Variants in TAFA2 observed in about 807,000 individuals in gnomAD.
The protein encoded by TAFA2 is chemokine-like protein TAFA-2.
TAFA2 carries 7 observed loss-of-function variants against 18.8 expected under a neutral mutation model. The observed-to-expected ratio is 0.37, with a 90% CI of 0.21 to 0.70. The LOEUF is 0.70. TAFA2 is among the 30% of genes least tolerant of loss of function. TAFA2 has a pLI of 0.53. For synonymous variants in TAFA2, 60 were observed against 54.2 expected, an observed-to-expected ratio of 1.11 and a Z score of -0.47; for missense variants, 122 against 158.1, an observed-to-expected ratio of 0.77 and a Z score of 1.23.
At chr12:61,776,998 T>C (rs932866934) in intron 2 of TAFA2, among the ~76,000 whole-genome samples, 6 of 151,868 alleles carry the variant, frequency 4.0e-5, no homozygotes, top group Admixed American at 1.3e-4. Context: ...AGTAAGTGGA[T>C]ACTGAGCAAG....
intron 1 of TAFA2, chr12:62,235,403 A>G: frequency 1.5e-6 from 1 of 648,534 alleles, no homozygotes; most frequent in Non-Finnish European, 2.8e-6. Flanking sequence ...AAGATGAGTC[A>G]TGTTCAAGAT....
At chr12:61,864,445 A>G (rs943673890) in intron 2 of TAFA2, among the ~76,000 whole-genome samples, 3 of 150,194 alleles carry the variant, frequency 2.0e-5, no homozygotes, top group African/African-American at 7.3e-5. Context: ...TTCTATAACT[A>G]TATATGTAGT....
chr12:61,997,104 T>C (rs1880215050), intron 1 of TAFA2, among the ~76,000 whole-genome samples: 1 of 151,066 alleles, frequency 6.6e-6, no homozygotes, highest in Non-Finnish European at 1.5e-5. Context: ...AATAAACACA[T>C]AAAAAAGTGT....
intron 1 of TAFA2, chr12:62,252,134 C>T (rs867140910): frequency 1.3e-5 from 2 of 152,274 alleles, no homozygotes; most frequent in African/African-American, 2.4e-5. Flanking sequence ...TGTTGGCTTA[C>T]CTGGTGGGAT....
intron 2 of TAFA2, among the ~76,000 whole-genome samples, chr12:61,859,072 GC>G (rs1306440035): frequency 6.6e-6 from 1 of 152,156 alleles, no homozygotes; most frequent in African/African-American, 2.4e-5. Context: ...ATAAAGAACT[GC>G]CCAAGACTGG....
chr12:61,753,700 T>C lies in TAFA2; in HGVS notation c.306A>G (p.Leu102=). 4 of 1,612,634 alleles carry C rather than the reference T, an allele frequency of 2.5e-6. No homozygotes were observed. The highest frequency in any genetic ancestry group is 3.4e-6 in the Non-Finnish European group (4 of 1,179,082). ...GAAGAACTTTACATTCTTCTCCCTC[T>C]AGACATGGCTGCATATGGCACCACC... ...QKWWCHMQPC[L]EGEECKVLPD... The change falls in exon 4 of 5, where the codon CTA becomes CTG. Residue 102 remains leucine, a synonymous_variant. Coordinates refer to ENST00000416284, the MANE Select transcript of TAFA2 (RefSeq NM_178539.5).
intron 2 of TAFA2, among the ~76,000 whole-genome samples, chr12:61,814,445 G>A (rs931089753): frequency 1.3e-5 from 2 of 151,234 alleles, no homozygotes; most frequent in African/African-American, 4.9e-5. Context: ...AGGGAACGGT[G>A]TGGTTAAACT....
Position 62,041,392 on chromosome 12 carries a change from A to C in TAFA2, c.-2+149867T>G, listed in dbSNP as rs115890184. On this transcript the variant is annotated intron_variant, in intron 1 of 4. Transcript: ENST00000416284. ...GTGGACTGGTGAACTCCATGAAAAA[A>C]GTTATTAAAGTGAGGAAGGTACTGA... Among the ~76,000 whole-genome samples, 734 of 152,320 alleles carry C rather than the reference A, an allele frequency of 4.8e-3. 8 individuals are homozygous for C. Among genetic ancestry groups the C allele is most frequent in the African/African-American group, 0.017 (699 of 41,578 alleles).
chr12:61,798,254 C>A (rs1343513460), intron 2 of TAFA2, among the ~76,000 whole-genome samples: 2 of 152,024 alleles, frequency 1.3e-5, no homozygotes, highest in African/African-American at 4.8e-5. Flanking sequence ...AAAATCATTT[C>A]TCTTAACTAT....
At chr12:61,896,454 G>C (rs1023752841) in intron 1 of TAFA2, among the ~76,000 whole-genome samples, 4 of 152,114 alleles carry the variant, frequency 2.6e-5, no homozygotes, top group African/African-American at 9.7e-5. Flanking sequence ...TATCTCTTCA[G>C]TTAAATACAC....
chr12:62,040,938 T>C (rs1881741052), intron 1 of TAFA2, among the ~76,000 whole-genome samples: 2 of 152,186 alleles, frequency 1.3e-5, no homozygotes, highest in Admixed American at 1.3e-4. Flanking sequence ...ACAGGCCATG[T>C]GATTAGGAAA....
At chr12:61,866,456 G>T (rs1334550456) in intron 2 of TAFA2, among the ~76,000 whole-genome samples, 1 of 152,042 alleles carries the variant, frequency 6.6e-6, no homozygotes, top group African/African-American at 2.4e-5. Context: ...CTTTATAGTG[G>T]GCAGAGAACT....
In TAFA2 at chr12:62,014,446, T is replaced by C. The variant is rs776187112; in HGVS notation, c.-1-147020A>G. Among the ~76,000 whole-genome samples the C allele has an allele frequency of 5.3e-5, 8 of 152,092 alleles. No homozygotes were observed. In the South Asian group the frequency reaches 6.2e-4, roughly 12 times the overall value. On this transcript the variant is annotated intron_variant, in intron 1 of 4. Transcript: ENST00000416284. ...AAAATCAAGACCAGCCTGGGCAACATGGTTAAGCCCCATCTCTACAAAAAA... is the reference window on the plus strand; with the variant it reads ...AAAATCAAGACCAGCCTGGGCAACACGGTTAAGCCCCATCTCTACAAAAAA...
chr12:62,170,429 T>G (rs1011924034), intron 1 of TAFA2, among the ~76,000 whole-genome samples: 1 of 152,196 alleles, frequency 6.6e-6, no homozygotes, highest in African/African-American at 2.4e-5. Flanking sequence ...AATACTAGTT[T>G]TGAAACTTGT....
chr12:62,190,403 G>A (rs1459815059), intron 1 of TAFA2, among the ~76,000 whole-genome samples: 1 of 152,128 alleles, frequency 6.6e-6, no homozygotes, highest in African/African-American at 2.4e-5. Context: ...ACAATACTTG[G>A]TAGGCACCTG....
intron 2 of TAFA2, among the ~76,000 whole-genome samples, chr12:61,810,427 T>C (rs1305268074): frequency 6.6e-6 from 1 of 151,340 alleles, no homozygotes; most frequent in Admixed American, 6.6e-5. Context: ...AATGTAGCCT[T>C]AAATAAAGAA....
intron 4 of TAFA2, among the ~76,000 whole-genome samples, chr12:61,722,110 C>T (rs936536814): frequency 6.6e-6 from 1 of 151,948 alleles, no homozygotes; most frequent in Admixed American, 6.6e-5. Flanking sequence ...TGTAAATTGG[C>T]TATTAATAGT....
intron 1 of TAFA2, among the ~76,000 whole-genome samples, chr12:62,074,016 T>C (rs1316317967): frequency 6.6e-6 from 1 of 152,248 alleles, no homozygotes; most frequent in East Asian, 1.9e-4. Flanking sequence ...GGTTGGTGAG[T>C]ACAAACTTGC....
intron 1 of TAFA2, among the ~76,000 whole-genome samples, chr12:61,917,490 G>A (rs751045024): frequency 6.6e-6 from 1 of 152,028 alleles, no homozygotes; most frequent in Non-Finnish European, 1.5e-5. Flanking sequence ...CCATTGATTA[G>A]TTACACATTT....
Sources: allele counts gnomAD v4.1 joint callset (sites outside exome capture counted in the v4.1 genomes callset), GRCh38; gene constraint gnomAD v4.1.1; transcripts MANE v1.5; gene names NCBI Gene and HGNC (gene_info 2026-07-23, HGNC 2026-07-21).